Variants in CENPC observed in about 807,000 individuals in gnomAD.
The protein encoded by CENPC is CENP-C 1.
A neutral mutation model predicts 112.1 loss-of-function variants in CENPC; 63 were observed. The ratio of observed to expected loss-of-function variants is 0.56; its 90% CI spans 0.46 to 0.69. The LOEUF is 0.69. Among genes scored for constraint, CENPC ranks in the 30% least tolerant of loss-of-function variants. The pLI is 0.00. For synonymous variants in CENPC, 333 were observed against 367.6 expected (o/e 0.91, Z 1.08); for missense variants, 1,000 against 1,103.8 (o/e 0.91, Z 1.33).
chr4:67,536,641 CT>C (rs1471600481), intron 4 of CENPC, among the ~76,000 whole-genome samples: 1 of 151,712 alleles, frequency 6.6e-6, no homozygotes, highest in East Asian at 1.9e-4. Flanking sequence ...CTAGGCCAAG[CT>C]TGCTGCATGG....
At chr4:67,501,685 T>G (rs888693354) in intron 12 of CENPC, among the ~76,000 whole-genome samples, 21 of 152,212 alleles carry the variant, frequency 1.4e-4, no homozygotes, top group Admixed American at 1.2e-3. Context: ...GCTGATTTCC[T>G]TATTTGTATG....
At chr4:67,538,169 C>T (rs1726782408) in intron 4 of CENPC, among the ~76,000 whole-genome samples, 1 of 152,042 alleles carries the variant, frequency 6.6e-6, no homozygotes, top group South Asian at 2.1e-4. Flanking sequence ...CAGAGTAGAA[C>T]CTTTATTTTG....
In CENPC at chr4:67,486,968, G is replaced by GTTTTTTTTTT. The variant is rs58948980; in HGVS notation, c.2670+2989_2670+2998dup. Among the ~76,000 whole-genome samples, 9 of 131,820 alleles carry GTTTTTTTTTT rather than the reference G, an allele frequency of 6.8e-5. 1 individual carries two copies. The highest frequency in any genetic ancestry group is 8.5e-5 in the African/African-American group (3 of 35,280). 86.5% of individuals were successfully genotyped at this position (131,820 alleles called of 152,430 possible). A position where few individuals can be genotyped will look rare whatever the true frequency, so the allele number is the denominator to read the frequency against. On this transcript the variant is annotated intron_variant, in intron 17 of 18. Coordinates refer to ENST00000273853, the MANE Select transcript of CENPC (RefSeq NM_001812.4). ...ATTCAGGTTTTGTATTTGCTTTTAGGTTTTTTTTTTTTTTTTTCTTTTTTA... is the reference window on the plus strand; with the variant it reads ...ATTCAGGTTTTGTATTTGCTTTTAGGTTTTTTTTTTTTTTTTTTTTTTTTTTTCTTTTTTA...
rs189594633 is a variant in CENPC, at chr4:67,505,272, C to G, written c.2064G>C (p.Arg688Ser). 1.5e-5 allele frequency: 23 copies of G among 1,560,714 alleles called. No individual in the cohort carries two copies. The Admixed American group carries it at 4.3e-4, about 29-fold the overall frequency. The change falls in exon 12 of 19, where the codon AGG becomes AGC. Residue 688 changes from arginine (R) to serine (S), a missense_variant. Coordinates refer to ENST00000273853, the MANE Select transcript of CENPC (RefSeq NM_001812.4). ...TSVLEESGPS[R>S]LNNNYLMSGK... ...CAGACATTAAATAATTATTATTGAG[C>G]CTGGAAGGTCCACTTAAGAAAAAAA...
Position 67,470,950 on chromosome 4 carries a change from G to C in CENPC, c.*1655C>G. On this transcript the variant is annotated 3_prime_UTR_variant, in exon 19 of 19. Coordinates refer to ENST00000273853, the MANE Select transcript of CENPC (RefSeq NM_001812.4). ...ACAGAAGGGCAGAAAAGGGTAACATGAGCTCTCCAAACATCTTTGGCAAAC... is the reference window on the plus strand; with the variant it reads ...ACAGAAGGGCAGAAAAGGGTAACATCAGCTCTCCAAACATCTTTGGCAAAC... 6.6e-6 allele frequency: 1 copy of C among 152,430 alleles called. No individual in the cohort carries two copies. Among genetic ancestry groups the C allele is most frequent in the African/African-American group, 2.4e-5 (1 of 41,564 alleles). 9.4% of individuals were successfully genotyped at this position (152,430 alleles called of 1,614,324 possible).
At chr4:67,481,964 G>A (rs145903552) in intron 17 of CENPC, among the ~76,000 whole-genome samples, 2 of 151,772 alleles carry the variant, frequency 1.3e-5, no homozygotes, top group East Asian at 1.9e-4. Flanking sequence ...AACAGGCAAC[G>A]GCAGAGTAAA....
Position 67,492,265 on chromosome 4 carries a change from T to G in CENPC, c.2430A>C (p.Leu810Phe). The stretch of plus-strand genomic sequence containing the variant: ...CAAGAGGTATACCTAGATTTACCAT[T>G]AAGTTAGTCTCTGCAAAAGAAATAC... ...CLDNDERKTN[L>F]MVNLGIPLGD... is the part of the protein sequence containing the mutation. The change falls in exon 16 of 19, where the codon TTA (leucine) becomes TTC (phenylalanine). Residue 810 changes from leucine to phenylalanine, a missense_variant. Leu to Phe is a conservative substitution (Grantham distance 22). Transcript: ENST00000273853. 6 of 1,554,434 alleles carry G rather than the reference T, an allele frequency of 3.9e-6. No homozygotes were observed. Among genetic ancestry groups the G allele is most frequent in the Non-Finnish European group, 5.2e-6 (6 of 1,145,804 alleles).
At chr4:67,491,856 C>A (rs1056335650) in intron 16 of CENPC, among the ~76,000 whole-genome samples, 2 of 152,106 alleles carry the variant, frequency 1.3e-5, no homozygotes, top group African/African-American at 4.8e-5. Context: ...TCTACAATTC[C>A]CCATAAACAG....
At chr4:67,487,898 T>G (rs1426245425) in intron 17 of CENPC, among the ~76,000 whole-genome samples, 2 of 151,720 alleles carry the variant, frequency 1.3e-5, no homozygotes, top group African/African-American at 4.9e-5. Context: ...TTCTCCATCT[T>G]GTCCTGTTTA....
intron 12 of CENPC, among the ~76,000 whole-genome samples, chr4:67,499,886 G>C (rs12498762): frequency 5.3e-5 from 8 of 151,932 alleles, no homozygotes; most frequent in Non-Finnish European, 8.8e-5. Context: ...AGCCATCGTA[G>C]GGTTATTATT....
chr4:67,501,521 T>C (rs1161850477), intron 12 of CENPC, among the ~76,000 whole-genome samples: 1 of 152,074 alleles, frequency 6.6e-6, no homozygotes. Flanking sequence ...CTAAGGGACA[T>C]GGCAGCTAAA....
intron 18 of CENPC, among the ~76,000 whole-genome samples, chr4:67,473,603 A>T: frequency 6.6e-6 from 1 of 151,816 alleles, no homozygotes; most frequent in East Asian, 2.0e-4. Flanking sequence ...CCCAGGCTGG[A>T]GTGCAGTAGT....
At chr4:67,477,181 G>C (rs1462427333) in intron 17 of CENPC, among the ~76,000 whole-genome samples, 2 of 152,154 alleles carry the variant, frequency 1.3e-5, no homozygotes, top group African/African-American at 4.8e-5. Flanking sequence ...TGTATCAGCA[G>C]ATGCTCTCTT....
At chr4:67,475,439 C>A (rs1000368394) in intron 17 of CENPC, among the ~76,000 whole-genome samples, 1 of 152,180 alleles carries the variant, frequency 6.6e-6, no homozygotes, top group African/African-American at 2.4e-5. Context: ...ACAGTCTGAA[C>A]GAGACTGGAA....
intron 17 of CENPC, among the ~76,000 whole-genome samples, chr4:67,485,595 A>G (rs376662590): frequency 8.5e-5 from 13 of 152,174 alleles, no homozygotes; most frequent in African/African-American, 2.7e-4. Flanking sequence ...TGGTATTCTT[A>G]TTATAGCAGC....
chr4:67,536,741 A>C (rs909435971), intron 4 of CENPC, among the ~76,000 whole-genome samples: 2 of 151,472 alleles, frequency 1.3e-5, no homozygotes, highest in Non-Finnish European at 2.9e-5. Flanking sequence ...AAAATTAATA[A>C]TATAAAAATA....
At chr4:67,523,965 TA>T (rs1297468076) in intron 5 of CENPC, among the ~76,000 whole-genome samples, 2 of 151,158 alleles carry the variant, frequency 1.3e-5, no homozygotes, top group Non-Finnish European at 2.9e-5. Context: ...AATAACAAAA[TA>T]AACAGTAATG....
At chr4:67,508,013 G>A (rs989645578) in intron 10 of CENPC, among the ~76,000 whole-genome samples, 4 of 152,078 alleles carry the variant, frequency 2.6e-5, no homozygotes, top group Non-Finnish European at 5.9e-5. Flanking sequence ...CACAAAGTAT[G>A]TATTACCTCA....
chr4:67,542,967 G>A (rs560875472), intron 2 of CENPC, among the ~76,000 whole-genome samples: 9 of 152,234 alleles, frequency 5.9e-5, no homozygotes, highest in Admixed American at 2.0e-4. Flanking sequence ...TATCAAATTC[G>A]TCTTTTCTTC....
Sources: gnomAD v4.1 joint callset for allele counts (sites outside exome capture counted in the v4.1 genomes callset) on GRCh38, gnomAD v4.1.1 for gene constraint, MANE v1.5 for transcripts, NCBI Gene and HGNC (gene_info 2026-07-23, HGNC 2026-07-21) for gene names.